CDH8: variants seen among roughly 807,000 people sequenced by gnomAD.
The protein encoded by CDH8 is cadherin-8.
Under a neutral mutation model 68.1 loss-of-function variants are expected in CDH8, and 17 were observed. That is an observed-to-expected ratio of 0.25 (90% CI 0.17 to 0.37). The LOEUF (loss-of-function observed/expected upper bound fraction) is 0.37, where lower values mean the gene tolerates loss of function less well. Ranked by LOEUF, CDH8 falls within the 10% of genes least tolerant of loss-of-function variation. The probability of loss-of-function intolerance (pLI) is 1.00; values close to 1 mark genes in which losing one functional copy is unlikely to be tolerated. For synonymous variants in CDH8, 372 were observed against 365.1 expected (o/e 1.02, Z -0.21); for missense variants, 763 against 999.3 (o/e 0.76, Z 3.19).
chr16:61,685,194 A>C (rs1225815545), intron 10 of CDH8, among the ~76,000 whole-genome samples: 5 of 152,012 alleles, frequency 3.3e-5, no homozygotes, highest in Non-Finnish European at 5.9e-5. Context: ...AAAAAAAAAA[A>C]AAAAACCTAC....
At position 61,926,191 on chromosome 16, in the gene CDH8, G is replaced by A. The variant is rs911842583; in HGVS notation, c.253-24718C>T. Among the ~76,000 whole-genome samples the A allele has an allele frequency of 6.9e-5, 10 of 144,502 alleles. No individual in the cohort carries two copies. The East Asian group carries it at 1.8e-3, about 26-fold the overall frequency. The allele number at this position is 144,502 out of a possible 152,430, so 94.8% of individuals were successfully genotyped here. A position where few individuals can be genotyped will look rare whatever the true frequency, so the allele number is the denominator to read the frequency against. ...TGTGTGTGTGTGTGTGTGTGTGTGTGTATACATTTACCTTACAAGTGGGAA... is the reference window on the plus strand; with the variant it reads ...TGTGTGTGTGTGTGTGTGTGTGTGTATATACATTTACCTTACAAGTGGGAA... On this transcript the variant is annotated intron_variant, in intron 2 of 11. Transcript: ENST00000577390.
chr16:61,967,439 G>A (rs889324418), intron 2 of CDH8, among the ~76,000 whole-genome samples: 1 of 152,190 alleles, frequency 6.6e-6, no homozygotes, highest in African/African-American at 2.4e-5. Context: ...ATTGCAGGTT[G>A]AGTGTCCCTT....
Position 61,650,413 on chromosome 16 carries a change from ATTC to A in CDH8, c.*3192_*3194del. 6.6e-6 allele frequency: 1 copy of A among 152,218 alleles called. No individual in the cohort carries two copies. Among genetic ancestry groups the A allele is most frequent in the East Asian group, 1.9e-4 (1 of 5,168 alleles). The allele number at this position is 152,218 out of a possible 1,614,324, so 9.4% of individuals were successfully genotyped here. On this transcript the variant is annotated 3_prime_UTR_variant, in exon 12 of 12. Coordinates refer to ENST00000577390, the MANE Select transcript of CDH8 (RefSeq NM_001796.5). ...TGTCTCACTTGGCTCCAACTTAATCATTCTTCTCTATTTAGCAGAGAGTACTCT... is the reference window on the plus strand; with the variant it reads ...TGTCTCACTTGGCTCCAACTTAATCATTCTCTATTTAGCAGAGAGTACTCT...
At chr16:61,779,309 C>T (rs16963954) in intron 8 of CDH8, among the ~76,000 whole-genome samples, 6,594 of 152,116 alleles carry the variant, frequency 0.043, 400 homozygotes, top group East Asian at 0.24. Context: ...GTATTCTTTA[C>T]TGTCCTATGG....
intron 8 of CDH8, among the ~76,000 whole-genome samples, chr16:61,740,508 G>C (rs958518746): frequency 6.6e-6 from 1 of 151,940 alleles, no homozygotes; most frequent in Non-Finnish European, 1.5e-5. Context: ...CTTACATCAA[G>C]ATATCCAAAG....
intron 3 of CDH8, among the ~76,000 whole-genome samples, chr16:61,889,369 A>G (rs929360498): frequency 6.6e-6 from 1 of 152,318 alleles, no homozygotes; most frequent in Middle Eastern, 3.4e-3. Flanking sequence ...TCCAGAAAGT[A>G]TAATTATTAA....
intron 7 of CDH8, among the ~76,000 whole-genome samples, chr16:61,812,330 C>T (rs145489512): frequency 3.3e-5 from 5 of 152,270 alleles, no homozygotes; most frequent in Admixed American, 3.3e-4. Context: ...AAATGCAATG[C>T]TTCTGTGTTG....
intron 4 of CDH8, among the ~76,000 whole-genome samples, chr16:61,854,470 G>T (rs539019757): frequency 6.6e-6 from 1 of 151,922 alleles, no homozygotes; most frequent in Admixed American, 6.6e-5. Flanking sequence ...CTCTTTGATC[G>T]CATGGGTAGA....
chr16:61,984,581 C>T (rs978146153), intron 2 of CDH8, among the ~76,000 whole-genome samples: 3 of 151,988 alleles, frequency 2.0e-5, no homozygotes, highest in Non-Finnish European at 4.4e-5. Flanking sequence ...TGCACCATCA[C>T]ACCTATATTC....
rs186551074 is a variant in CDH8 at position 61,856,539 on chromosome 16, T to A, written c.667+580A>T. 1.1e-4 allele frequency among the ~76,000 whole-genome samples: 17 copies of A among 152,260 alleles called. No homozygotes were observed. In the East Asian group the frequency reaches 3.1e-3, roughly 28 times the overall value. On this transcript the variant is annotated intron_variant, in intron 4 of 11. Coordinates refer to ENST00000577390, the MANE Select transcript of CDH8 (RefSeq NM_001796.5). The stretch of plus-strand genomic sequence containing the variant: ...TCTGTACCACCAGATCACAGGGTAT[T>A]AGCTGGATTTAATATTGACCATAAT...
intron 2 of CDH8, among the ~76,000 whole-genome samples, chr16:61,976,880 T>C (rs1239536849): frequency 6.6e-6 from 1 of 152,152 alleles, no homozygotes; most frequent in Non-Finnish European, 1.5e-5. Flanking sequence ...GGGGAATTCA[T>C]CAGCAAACAA....
At chr16:61,803,919 A>G (rs925611725) in intron 7 of CDH8, among the ~76,000 whole-genome samples, 1 of 132,086 alleles carries the variant, frequency 7.6e-6, no homozygotes, top group Non-Finnish European at 1.6e-5. Flanking sequence ...TGAGACAGAA[A>G]GTCAACAAGG....
chr16:61,870,924 A>C (rs1471437071), intron 3 of CDH8, among the ~76,000 whole-genome samples: 1 of 152,222 alleles, frequency 6.6e-6, no homozygotes, highest in Non-Finnish European at 1.5e-5. Context: ...GTACTTATTT[A>C]CTTGATATAA....
At chr16:61,954,475 G>A (rs1216711755) in intron 2 of CDH8, among the ~76,000 whole-genome samples, 1 of 152,036 alleles carries the variant, frequency 6.6e-6, no homozygotes, top group African/African-American at 2.4e-5. Flanking sequence ...GCCGAGGCGG[G>A]TGGATCACAA....
chr16:61,929,093 T>C (rs577473613), intron 2 of CDH8, among the ~76,000 whole-genome samples: 30 of 152,080 alleles, frequency 2.0e-4, no homozygotes, highest in Non-Finnish European at 4.1e-4. Flanking sequence ...GTATTTTTAG[T>C]AGAGACGAGG....
At chr16:61,717,001 T>G (rs918816356) in intron 9 of CDH8, among the ~76,000 whole-genome samples, 1 of 151,562 alleles carries the variant, frequency 6.6e-6, no homozygotes, top group Non-Finnish European at 1.5e-5. Flanking sequence ...ACATACCGAG[T>G]AGAGGGCAAC....
chr16:61,949,981 C>T (rs1964864467), intron 2 of CDH8, among the ~76,000 whole-genome samples: 1 of 133,572 alleles, frequency 7.5e-6, no homozygotes, highest in Admixed American at 7.3e-5. Flanking sequence ...GAGCAAGACC[C>T]TGTCTTAAAA....
At chr16:61,798,075 A>T (rs1009052424) in intron 7 of CDH8, among the ~76,000 whole-genome samples, 2 of 152,192 alleles carry the variant, frequency 1.3e-5, no homozygotes, top group African/African-American at 4.8e-5. Flanking sequence ...TTGACTCATG[A>T]TCAATTCTTC....
intron 3 of CDH8, among the ~76,000 whole-genome samples, chr16:61,892,041 G>T (rs946886902): frequency 2.5e-4 from 38 of 152,182 alleles, no homozygotes; most frequent in African/African-American, 7.2e-4. Context: ...GACACAAATT[G>T]TTCCTTTAAT....
Sources: allele counts gnomAD v4.1 joint callset (sites outside exome capture counted in the v4.1 genomes callset), GRCh38; gene constraint gnomAD v4.1.1; transcripts MANE v1.5; gene names NCBI Gene and HGNC (gene_info 2026-07-23, HGNC 2026-07-21).